Variants in ASPRV1 observed in about 807,000 individuals in gnomAD.
ASPRV1 encodes the protein retroviral-like aspartic protease 1.
Under a neutral mutation model 11.0 loss-of-function variants are expected in ASPRV1, and 7 were observed. That is an observed-to-expected ratio of 0.64 (90% CI 0.36 to 1.20). ASPRV1 has a LOEUF of 1.20. Ranked by LOEUF, ASPRV1 falls within the 50% of genes most tolerant of loss-of-function variation. The pLI is 0.02. For synonymous variants in ASPRV1, 136 were observed against 138.4 expected (o/e 0.98, Z 0.12); for missense variants, 299 against 320.0 (o/e 0.93, Z 0.50).
chr2:70,031,164 A>G, the ASPRV1 span: 1 of 151,970 alleles, frequency 6.6e-6, no homozygotes, highest in East Asian at 1.9e-4. Flanking sequence ...CCTGTAGTTA[A>G]TATTTACTGG....
At chr2:70,085,229 C>T in the ASPRV1 span, among the ~76,000 whole-genome samples, 3 of 152,144 alleles carry the variant, frequency 2.0e-5, no homozygotes, top group Admixed American at 6.5e-5. Flanking sequence ...ACCATTTGCT[C>T]CCCCAGAGGC....
the ASPRV1 span, chr2:69,942,631 C>T: frequency 2.6e-5 from 4 of 152,170 alleles, no homozygotes; most frequent in African/African-American, 9.7e-5. Context: ...TGCCTTTACC[C>T]CATCCCTAGA....
the ASPRV1 span, among the ~76,000 whole-genome samples, chr2:70,068,857 A>G: frequency 6.7e-6 from 1 of 150,276 alleles, no homozygotes; most frequent in Non-Finnish European, 1.5e-5. Flanking sequence ...AGGCAGGAGA[A>G]TCACTTGAAC....
chr2:70,005,903 T>G, the ASPRV1 span, among the ~76,000 whole-genome samples: 2 of 152,206 alleles, frequency 1.3e-5, no homozygotes, highest in Non-Finnish European at 2.9e-5. Context: ...CCTGTTTACA[T>G]AGAGACTCAG....
the ASPRV1 span, chr2:69,937,249 T>C: frequency 6.2e-7 from 1 of 1,613,840 alleles, no homozygotes. Flanking sequence ...TTGAAGATTG[T>C]GACAGAAAAG....
At chr2:70,016,443 G>GC in the ASPRV1 span, 1 of 150,152 alleles carries the variant, frequency 6.7e-6, no homozygotes, top group Non-Finnish European at 1.5e-5. Context: ...AAAAGACTGA[G>GC]ACAGGAGGAT....
At chr2:70,002,157 G>A in the ASPRV1 span, among the ~76,000 whole-genome samples, 7 of 152,080 alleles carry the variant, frequency 4.6e-5, no homozygotes, top group Non-Finnish European at 7.4e-5. Flanking sequence ...CAGAGACCCC[G>A]CAGGTAATGC....
the ASPRV1 span, chr2:69,976,812 C>T: frequency 6.6e-6 from 1 of 152,446 alleles, no homozygotes; most frequent in Non-Finnish European, 1.5e-5. Context: ...AAAGCACACA[C>T]AGAGAGAGTC....
chr2:70,022,789 C>T, the ASPRV1 span, among the ~76,000 whole-genome samples: 1 of 151,826 alleles, frequency 6.6e-6, no homozygotes, highest in African/African-American at 2.4e-5. Flanking sequence ...TTCAAACTTG[C>T]CAAGATGTAT....
the ASPRV1 span, among the ~76,000 whole-genome samples, chr2:70,065,819 CAAAAAA>C: frequency 1.2e-4 from 8 of 67,446 alleles, no homozygotes; most frequent in African/African-American, 3.5e-4. Context: ...GCTTTTGACT[CAAAAAA>C]AAAAAAAAAA....
At chr2:70,076,559 T>C in the ASPRV1 span, among the ~76,000 whole-genome samples, 1 of 152,344 alleles carries the variant, frequency 6.6e-6, no homozygotes, top group South Asian at 2.1e-4. Flanking sequence ...CAAATACAGA[T>C]GTTCCTTGAC....
At chr2:69,942,189 A>G in the ASPRV1 span, 1 of 152,190 alleles carries the variant, frequency 6.6e-6, no homozygotes, top group African/African-American at 2.4e-5. Context: ...TAGCGTGTCT[A>G]GTAGCTGGCT....
At chr2:70,064,640 G>A in the ASPRV1 span, among the ~76,000 whole-genome samples, 3 of 152,166 alleles carry the variant, frequency 2.0e-5, no homozygotes, top group Non-Finnish European at 4.4e-5. Context: ...TCATGAGCTG[G>A]AGGATGGGAA....
chr2:70,054,701 C>T, the ASPRV1 span, among the ~76,000 whole-genome samples: 697 of 152,162 alleles, frequency 4.6e-3, 7 homozygotes, highest in African/African-American at 0.015. Context: ...GTAAGACAAA[C>T]GATGGGATGT....
the ASPRV1 span, among the ~76,000 whole-genome samples, chr2:70,028,948 TA>T: frequency 7.4e-6 from 1 of 135,096 alleles, no homozygotes; most frequent in Admixed American, 6.9e-5. Flanking sequence ...TCCAAAAAAA[TA>T]AATAAATAAA....
At chr2:70,050,972 G>A in the ASPRV1 span, 3 of 151,884 alleles carry the variant, frequency 2.0e-5, no homozygotes, top group African/African-American at 7.3e-5. Flanking sequence ...CAAAAGTCAT[G>A]AATAAGTGAT....
At chr2:70,078,957 A>G in the ASPRV1 span, among the ~76,000 whole-genome samples, 1 of 152,216 alleles carries the variant, frequency 6.6e-6, no homozygotes, top group Non-Finnish European at 1.5e-5. Context: ...AATACTGGAT[A>G]TATCTTAAGG....
At chr2:70,009,789 A>G in the ASPRV1 span, among the ~76,000 whole-genome samples, 1 of 152,236 alleles carries the variant, frequency 6.6e-6, no homozygotes, top group African/African-American at 2.4e-5. Flanking sequence ...TTCTAAGGGA[A>G]GAAGGAAAAC....
the ASPRV1 span, among the ~76,000 whole-genome samples, chr2:70,006,862 G>A: frequency 1.2e-4 from 18 of 152,288 alleles, no homozygotes; most frequent in South Asian, 3.7e-3. Flanking sequence ...GGCTATACCA[G>A]CACAAGTGCT....
Sources: gnomAD v4.1 joint callset for allele counts (sites outside exome capture counted in the v4.1 genomes callset) on GRCh38, gnomAD v4.1.1 for gene constraint, MANE v1.5 for transcripts, NCBI Gene and HGNC (gene_info 2026-07-23, HGNC 2026-07-21) for gene names.